The following RYR2 variants were observed in gnomAD, a reference collection of about 807,000 sequenced individuals.
The protein encoded by RYR2 is ryanodine receptor 2.
RYR2 carries 227 observed loss-of-function variants against 601.1 expected under a neutral mutation model. The observed-to-expected ratio is 0.38, with a 90% CI of 0.34 to 0.42. The LOEUF is 0.42. Ranked by LOEUF, RYR2 falls within the 10% of genes least tolerant of loss-of-function variation. RYR2 has a pLI of 1.00. For synonymous variants in RYR2, 2,223 were observed against 2,175.1 expected (o/e 1.02, Z -0.61); for missense variants, 4,646 against 6,156.5 (o/e 0.75, Z 8.21).
chr1:237,492,824 A>AAAGAAGGAAGG, intron 18 of RYR2, 130 bp from the exon 19 acceptor site: 1 of 772,362 alleles, frequency 1.3e-6, no homozygotes, highest in African/African-American at 2.4e-5. Context: ...ATGCTGTCTG[A>AAAGAAGGAAGG]AAGGAAGGAA....
At chr1:237,207,234 G>A (rs1168366115) in intron 1 of RYR2, among the ~76,000 whole-genome samples, 1 of 152,072 alleles carries the variant, frequency 6.6e-6, no homozygotes, top group African/African-American at 2.4e-5. Flanking sequence ...TAGGTGATGA[G>A]AGCTCCTGCC....
chr1:237,476,676 A>G (rs1366444058), intron 17 of RYR2, among the ~76,000 whole-genome samples: 2 of 152,052 alleles, frequency 1.3e-5, no homozygotes, highest in Non-Finnish European at 2.9e-5. Context: ...TAAGCTCATC[A>G]TTTTTCAAAG....
intron 12 of RYR2, among the ~76,000 whole-genome samples, chr1:237,432,246 T>C (rs1706895723): frequency 6.6e-6 from 1 of 152,072 alleles, no homozygotes. Flanking sequence ...ATCTCGAGTG[T>C]ACTTCAGATT....
In RYR2 at chr1:237,503,467, C is replaced by T; in HGVS notation, c.2575C>T (p.Gln859Ter). The T allele has an allele frequency of 1.2e-6, 2 of 1,613,900 alleles. No homozygotes were observed. The highest frequency in any genetic ancestry group is 1.7e-6 in the Non-Finnish European group (2 of 1,179,888). The change falls in exon 22 of 105, where the codon CAA (glutamine) becomes TAA (stop). Residue 859 changes from glutamine to a stop codon, truncating the protein, a stop_gained. Transcript: ENST00000366574. LOFTEE classifies it high-confidence loss of function. ...GCTGGGCCCCACAGTTTCCCTGACG[C>T]AAGCTGCCTTCACACCCATCCCTGT... Reference protein sequence around the residue: ...DLLGPTVSLTQAAFTPIPVDT... With the variant: ...DLLGPTVSLT
chr1:237,762,609 G>A (rs926181089), intron 84 of RYR2, among the ~76,000 whole-genome samples: 5 of 152,176 alleles, frequency 3.3e-5, no homozygotes, highest in South Asian at 2.1e-4. Context: ...CCTTTCCTTC[G>A]TCAGGCGGAT....
At chr1:237,254,285 T>C (rs924662919) in intron 1 of RYR2, among the ~76,000 whole-genome samples, 1 of 152,204 alleles carries the variant, frequency 6.6e-6, no homozygotes, top group Non-Finnish European at 1.5e-5. Context: ...GGTCATTGTG[T>C]TGTGCAATAC....
At chr1:237,164,628 G>C (rs973107814) in intron 1 of RYR2, among the ~76,000 whole-genome samples, 3 of 152,202 alleles carry the variant, frequency 2.0e-5, no homozygotes, top group Non-Finnish European at 4.4e-5. Context: ...GGCTGGGTTA[G>C]GTGGGCTGGC....
At chr1:237,104,691 C>T (rs1668474600) in intron 1 of RYR2, among the ~76,000 whole-genome samples, 1 of 152,140 alleles carries the variant, frequency 6.6e-6, no homozygotes, top group Non-Finnish European at 1.5e-5. Context: ...TTGTGTAAAC[C>T]TTTCTTTCAG....
chr1:237,831,998 A>G (rs1398556520), intron 104 of RYR2, among the ~76,000 whole-genome samples: 4 of 152,136 alleles, frequency 2.6e-5, no homozygotes, highest in Non-Finnish European at 5.9e-5. Context: ...TTTGAAGGAT[A>G]CGATATTTTA....
At chr1:237,796,913 T>C (rs1360372733) in intron 96 of RYR2, among the ~76,000 whole-genome samples, 1 of 152,054 alleles carries the variant, frequency 6.6e-6, no homozygotes, top group African/African-American at 2.4e-5. Context: ...GTCTCCCAAG[T>C]AGCTGGGATT....
At chr1:237,428,006 A>G (rs980038884) in intron 12 of RYR2, among the ~76,000 whole-genome samples, 4 of 152,172 alleles carry the variant, frequency 2.6e-5, no homozygotes, top group African/African-American at 9.7e-5. Context: ...AAAAAAGCTC[A>G]ACATCACTGA....
At chr1:237,196,906 A>G (rs911443085) in intron 1 of RYR2, among the ~76,000 whole-genome samples, 10 of 152,206 alleles carry the variant, frequency 6.6e-5, no homozygotes, top group African/African-American at 2.2e-4. Context: ...TAAACATGGT[A>G]TAGCTCTACA....
intron 1 of RYR2, among the ~76,000 whole-genome samples, chr1:237,121,380 AAG>A (rs540971699): frequency 1.3e-5 from 2 of 152,162 alleles, no homozygotes; most frequent in Non-Finnish European, 2.9e-5. Flanking sequence ...TTCAGATAAA[AAG>A]AGAGAGCACT....
At chr1:237,657,395 A>T (rs1683356961) in intron 53 of RYR2, among the ~76,000 whole-genome samples, 1 of 152,010 alleles carries the variant, frequency 6.6e-6, no homozygotes, top group African/African-American at 2.4e-5. Flanking sequence ...CCTTAGATTT[A>T]TCATCAGACT....
At chr1:237,445,078 T>C (rs1313747381) in intron 13 of RYR2, among the ~76,000 whole-genome samples, 1 of 152,128 alleles carries the variant, frequency 6.6e-6, no homozygotes, top group Non-Finnish European at 1.5e-5. Context: ...ATGGGCAAGG[T>C]GATGGGGGCT....
intron 1 of RYR2, among the ~76,000 whole-genome samples, chr1:237,097,493 G>A (rs551068360): frequency 6.6e-6 from 1 of 152,310 alleles, no homozygotes; most frequent in African/African-American, 2.4e-5. Flanking sequence ...ATGCTGCTCT[G>A]TAAGTCTGGC....
rs1239985464 is a variant in RYR2, at chr1:237,709,040, C to T, written c.10084C>T (p.Leu3362=). 2 of 1,611,714 alleles carry T rather than the reference C, an allele frequency of 1.2e-6. No individual in the cohort carries two copies. Among genetic ancestry groups the T allele is most frequent in the Non-Finnish European group, 1.7e-6 (2 of 1,178,044 alleles). Residue 3362 remains leucine (L), a synonymous_variant, in exon 69 of 105, where the codon CTG becomes TTG. Coordinates refer to ENST00000366574, the MANE Select transcript of RYR2 (RefSeq NM_001035.3). The part of the protein sequence containing the change: ...ELLILDEFTT[L]ARDLYAFYPL... Reference sequence around the variant, plus strand: ...CCTCATCCTAGATGAGTTCACCACACTGGCCAGAGATCTCTATGCCTTCTA... The same window carrying T: ...CCTCATCCTAGATGAGTTCACCACATTGGCCAGAGATCTCTATGCCTTCTA...
chr1:237,255,412 T>A (rs1199564624), intron 1 of RYR2, among the ~76,000 whole-genome samples: 1 of 152,190 alleles, frequency 6.6e-6, no homozygotes, highest in African/African-American at 2.4e-5. Flanking sequence ...GACATCTATA[T>A]CCAAGCCATT....
chr1:237,686,796 T>C (rs1465404897), intron 62 of RYR2, among the ~76,000 whole-genome samples: 1 of 152,110 alleles, frequency 6.6e-6, no homozygotes. Flanking sequence ...ATAAGAAATA[T>C]ACTGAACTTA....
Sources: gnomAD v4.1 joint callset for allele counts (sites outside exome capture counted in the v4.1 genomes callset) on GRCh38, gnomAD v4.1.1 for gene constraint, MANE v1.5 for transcripts, NCBI Gene and HGNC (gene_info 2026-07-23, HGNC 2026-07-21) for gene names.